STK10: variants seen among roughly 807,000 people sequenced by gnomAD.
STK10 encodes the protein serine/threonine-protein kinase 10.
Under a neutral mutation model 113.8 loss-of-function variants are expected in STK10, and 78 were observed. That is an observed-to-expected ratio of 0.69 (90% CI 0.57 to 0.83). The LOEUF (loss-of-function observed/expected upper bound fraction) is 0.83. STK10 is among the 40% of genes least tolerant of loss of function. The pLI is 0.00. For missense variants in STK10, 1,109 were observed against 1,280.1 expected, an observed-to-expected ratio of 0.87 and a Z score of 2.04; for synonymous variants, 465 against 494.7, an observed-to-expected ratio of 0.94 and a Z score of 0.80.
intron 1 of STK10, among the ~76,000 whole-genome samples, chr5:172,176,506 C>A (rs1770761494): frequency 6.6e-6 from 1 of 152,136 alleles, no homozygotes; most frequent in Admixed American, 6.5e-5. Flanking sequence ...TCTGGCCCAG[C>A]CTCCATTCAG....
intron 10 of STK10, among the ~76,000 whole-genome samples, chr5:172,084,057 T>TA (rs1423719091): frequency 1.3e-5 from 2 of 152,120 alleles, no homozygotes; most frequent in East Asian, 1.9e-4. Flanking sequence ...TATACAACCT[T>TA]AAAAAAATCA....
chr5:172,100,647 T>A (rs1477752936), intron 7 of STK10, among the ~76,000 whole-genome samples: 1 of 151,506 alleles, frequency 6.6e-6, no homozygotes, highest in Non-Finnish European at 1.5e-5. Flanking sequence ...ATTAGCCGGG[T>A]GTGGTGGCAG....
At position 172,044,909 on chromosome 5, in the gene STK10, G is replaced by A; in HGVS notation, c.2880C>T (p.Phe960=). Residue 960 remains phenylalanine, a synonymous_variant, in exon 19 of 19, where the codon TTC becomes TTT. Transcript: ENST00000176763. The surrounding 1 kb of genome is among the most constrained non-coding windows in gnomAD (Gnocchi z 4.5). The stretch of plus-strand genomic sequence containing the variant: ...AAGAAGCATCCGCAGAACTGTAGGG[G>A]AAGAACTTGGCGGCCTTGCTTGGGG... ...PSTPSKAAKF[F]PYSSADAS is the part of the protein sequence containing the mutation. 1.2e-6 allele frequency: 2 copies of A among 1,614,252 alleles called. No individual in the cohort carries two copies. Among genetic ancestry groups the A allele is most frequent in the Non-Finnish European group, 1.7e-6 (2 of 1,180,052 alleles).
chr5:172,077,952 T>C (rs1768347669), intron 12 of STK10, among the ~76,000 whole-genome samples: 1 of 151,982 alleles, frequency 6.6e-6, no homozygotes, highest in African/African-American at 2.4e-5. Flanking sequence ...CTGGAATGGC[T>C]GATGCATCTG....
intron 4 of STK10, among the ~76,000 whole-genome samples, chr5:172,115,873 A>C (rs3111491): frequency 0.16 from 24,900 of 152,102 alleles, 2,401 homozygotes; most frequent in African/African-American, 0.27. Context: ...AGGAAATAGC[A>C]ATGCTGGGCT....
intron 4 of STK10, among the ~76,000 whole-genome samples, chr5:172,111,602 G>A (rs1047538203): frequency 6.6e-6 from 1 of 152,198 alleles, no homozygotes; most frequent in Non-Finnish European, 1.5e-5. Flanking sequence ...CTGCCCTTGA[G>A]CAATTCAAAA....
At chr5:172,164,750 A>G (rs1770534361) in intron 1 of STK10, among the ~76,000 whole-genome samples, 5 of 152,198 alleles carry the variant, frequency 3.3e-5, no homozygotes, top group Admixed American at 2.6e-4. Context: ...GGGTGGTCCA[A>G]GTAGATGAGG....
At chr5:172,183,753 A>G (rs940275439) in intron 1 of STK10, among the ~76,000 whole-genome samples, 10 of 152,154 alleles carry the variant, frequency 6.6e-5, no homozygotes, top group Non-Finnish European at 2.9e-5. Context: ...GTATTCTAGT[A>G]ATTAACTAGG....
intron 2 of STK10, among the ~76,000 whole-genome samples, chr5:172,151,293 C>A (rs147195116): frequency 1.4e-3 from 219 of 152,020 alleles, no homozygotes; most frequent in African/African-American, 4.8e-3. Flanking sequence ...AGACGGATTG[C>A]GAACCTGCAG....
intron 7 of STK10, among the ~76,000 whole-genome samples, chr5:172,102,396 T>A (rs940070852): frequency 6.6e-6 from 1 of 152,078 alleles, no homozygotes; most frequent in Non-Finnish European, 1.5e-5. Context: ...GGCGAAAAGA[T>A]CCAAGTGCTC....
intron 2 of STK10, among the ~76,000 whole-genome samples, chr5:172,141,756 C>T (rs1045240770): frequency 6.6e-6 from 1 of 152,040 alleles, no homozygotes; most frequent in African/African-American, 2.4e-5. Flanking sequence ...AGCCTATATG[C>T]GCTCTCAGAG....
chr5:172,114,150 C>T (rs4616918), intron 4 of STK10, among the ~76,000 whole-genome samples: 8,520 of 151,964 alleles, frequency 0.056, 329 homozygotes, highest in Non-Finnish European at 0.081. Context: ...ACTATCTGAT[C>T]CGACTTTTCT....
chr5:172,093,570 C>T lies in STK10; in HGVS notation c.1396G>A (p.Ala466Thr). ...GCAGGTGGCTCCAGGCTGCCATTGGCCAGCTTCTCCCCACCCAAGGTCTCC... is the reference window on the plus strand; with the variant it reads ...GCAGGTGGCTCCAGGCTGCCATTGGTCAGCTTCTCCCCACCCAAGGTCTCC... ...ALETLGGEKL[A>T]NGSLEPPAQA... Residue 466 changes from alanine to threonine, a missense_variant, in exon 9 of 19, where the codon GCC (alanine) becomes ACC (threonine). Physicochemically the swap from Ala to Thr is moderately conservative, Grantham distance 58 (BLOSUM62 0). Around this residue, in one of 5 missense-constraint regions of STK10, gnomAD observed 885 missense variants for 991.1 expected, o/e 0.89. Coordinates refer to ENST00000176763, the MANE Select transcript of STK10 (RefSeq NM_005990.4). The surrounding 1 kb of genome is among the most constrained non-coding windows in gnomAD (Gnocchi z 4.1). The T allele has an allele frequency of 6.2e-7, 1 of 1,614,222 alleles. No homozygotes were observed.
At position 172,100,246 on chromosome 5, in the gene STK10, C is replaced by T. The variant is rs1171342678; in HGVS notation, c.871-3686G>A. On this transcript the variant is annotated intron_variant, in intron 7 of 18. Transcript: ENST00000176763. Reference sequence around the variant, plus strand: ...TGCACCAGGTAGGCTGGTCTGGGCACACGTGTCCCCAGTGGAAGGCTAGAT... The same window carrying T: ...TGCACCAGGTAGGCTGGTCTGGGCATACGTGTCCCCAGTGGAAGGCTAGAT... Among the ~76,000 whole-genome samples the T allele has an allele frequency of 2.0e-5, 3 of 152,290 alleles. No individual in the cohort carries two copies. The East Asian group carries it at 5.8e-4, about 29-fold the overall frequency.
chr5:172,096,222 G>A (rs912582153), intron 8 of STK10, among the ~76,000 whole-genome samples: 1 of 152,154 alleles, frequency 6.6e-6, no homozygotes, highest in South Asian at 2.1e-4. Context: ...TCACAGGATC[G>A]GGATCTGGCC....
At chr5:172,054,828 C>T (rs1581131704) in intron 16 of STK10, 134 bp from the exon 17 acceptor site, 1 of 1,297,248 alleles carries the variant, frequency 7.7e-7, no homozygotes. Flanking sequence ...CCAGCACCAC[C>T]TCAGGCTGTG....
chr5:172,167,059 C>G (rs4868149), intron 1 of STK10, among the ~76,000 whole-genome samples: 65,628 of 151,392 alleles, frequency 0.43, 15,481 homozygotes, highest in African/African-American at 0.63. Flanking sequence ...ACTCGGGAGG[C>G]TGGGGCAGAA....
chr5:172,070,279 CTA>C (rs750367073), intron 12 of STK10, among the ~76,000 whole-genome samples: 1 of 149,986 alleles, frequency 6.7e-6, no homozygotes, highest in African/African-American at 2.4e-5. Context: ...ATCTATATAT[CTA>C]TATATATATG....
intron 1 of STK10, among the ~76,000 whole-genome samples, chr5:172,173,527 T>C (rs1770697941): frequency 6.6e-6 from 1 of 152,152 alleles, no homozygotes; most frequent in Non-Finnish European, 1.5e-5. Context: ...TGCCCTCAAC[T>C]ACAACTCACC....
Sources: gnomAD v4.1 joint callset for allele counts (sites outside exome capture counted in the v4.1 genomes callset) on GRCh38, gnomAD v4.1.1 for gene constraint, gnomAD v4.1.1 regional missense constraint, Gnocchi (gnomAD v3.1) non-coding constraint, MANE v1.5 for transcripts, NCBI Gene and HGNC (gene_info 2026-07-23, HGNC 2026-07-21) for gene names.